SEC24A: variants seen among roughly 807,000 people sequenced by gnomAD.
SEC24A encodes protein transport protein Sec24A.
A neutral mutation model predicts 129.4 loss-of-function variants in SEC24A; 93 were observed. The ratio of observed to expected loss-of-function variants is 0.72; its 90% CI spans 0.61 to 0.85. The LOEUF (loss-of-function observed/expected upper bound fraction) is 0.85. Ranked by LOEUF, SEC24A falls within the 40% of genes least tolerant of loss-of-function variation. SEC24A has a pLI of 0.00. For missense variants in SEC24A, 1,264 were observed against 1,307.4 expected (o/e 0.97, Z 0.51); for synonymous variants, 460 against 467.3 (o/e 0.98, Z 0.20).
intron 10 of SEC24A, 120 bp from the exon 11 acceptor site, chr5:134,688,061 G>A: frequency 1.4e-6 from 1 of 718,292 alleles, no homozygotes; most frequent in Non-Finnish European, 2.5e-6. Flanking sequence ...ACATTTGTTT[G>A]TGTTGGGCCA....
At chr5:134,704,063 T>TATTG (rs2150105023) in intron 16 of SEC24A, 131 bp downstream of exon 16, 1 of 375,972 alleles carries the variant, frequency 2.7e-6, no homozygotes, top group Non-Finnish European at 4.7e-6. Flanking sequence ...TTTATTTATT[T>TATTG]ATTTATTTAT....
At chr5:134,683,944 C>T (rs542811543) in intron 9 of SEC24A, among the ~76,000 whole-genome samples, 21 of 152,276 alleles carry the variant, frequency 1.4e-4, no homozygotes, top group African/African-American at 4.6e-4. Flanking sequence ...TACTCTTTCA[C>T]CATGCCATAA....
In SEC24A at chr5:134,697,948, C is replaced by T. The variant is rs749100133; in HGVS notation, c.2157C>T (p.Tyr719=). The change falls in exon 15 of 23, where the codon TAC becomes TAT. Residue 719 remains tyrosine (Y), a synonymous_variant. Transcript: ENST00000398844. ...SAGSVYYYPS[Y]HHQHNPVQVQ... is the part of the protein sequence containing the mutation. ...GTAGTGTCTATTACTATCCCTCTTA[C>T]CATCATCAGCACAACCCAGTCCAAG... The T allele has an allele frequency of 6.2e-7, 1 of 1,613,758 alleles. No individual in the cohort carries two copies. Among genetic ancestry groups the T allele is most frequent in the Admixed American group, 1.7e-5 (1 of 59,964 alleles).
At chr5:134,663,695 A>T (rs1750553921) in intron 2 of SEC24A, among the ~76,000 whole-genome samples, 1 of 152,152 alleles carries the variant, frequency 6.6e-6, no homozygotes, top group Non-Finnish European at 1.5e-5. Context: ...ATAAATAAAT[A>T]CTAAGAGTAG....
intron 2 of SEC24A, among the ~76,000 whole-genome samples, chr5:134,665,425 A>G (rs1750626201): frequency 6.6e-6 from 1 of 150,818 alleles, no homozygotes; most frequent in Admixed American, 6.6e-5. Flanking sequence ...ATTGCACTCC[A>G]GCCTGGGGGA....
intron 18 of SEC24A, among the ~76,000 whole-genome samples, chr5:134,711,587 A>C (rs1752326413): frequency 7.2e-6 from 1 of 139,126 alleles, no homozygotes; most frequent in African/African-American, 2.7e-5. Context: ...TTTTTTTTTA[A>C]CAGTCTCGCT....
Position 134,703,842 on chromosome 5 carries a change from G to A in SEC24A, c.2350G>A (p.Gly784Arg), listed in dbSNP as rs1157163736. The A allele has an allele frequency of 1.2e-6, 2 of 1,612,992 alleles. No individual in the cohort carries two copies. The highest frequency in any genetic ancestry group is 1.1e-5 in the South Asian group (1 of 91,050). The change falls in exon 16 of 23, where the codon GGG becomes AGG. Residue 784 changes from glycine to arginine, a missense_variant. Gly to Arg is a moderately radical substitution (Grantham distance 125). Transcript: ENST00000398844. The part of the protein sequence containing the change: ...LSLPNVNPDA[G>R]YAVQMSVEES... The stretch of plus-strand genomic sequence containing the variant: ...TTTGCCTAACGTCAACCCAGACGCT[G>A]GGTATGCAGTACAGATGTCAGTGGA...
chr5:134,714,802 CT>C (rs1752430618), intron 18 of SEC24A, among the ~76,000 whole-genome samples: 1 of 152,138 alleles, frequency 6.6e-6, no homozygotes, highest in Admixed American at 6.6e-5. Context: ...GATCAGATAA[CT>C]TTGCCATGGT....
In SEC24A at chr5:134,708,887, A is replaced by T. The variant is rs757477253; in HGVS notation, c.2726A>T (p.Gln909Leu). Reference sequence around the variant, plus strand: ...CTTTTTGTGTTGGCTCTCCTTAAACAGGTAAGAAAAACAGATATAGAAACT... The same window carrying T: ...CTTTTTGTGTTGGCTCTCCTTAAACTGGTAAGAAAAACAGATATAGAAACT... ...FPLFVLALLK[Q>L]KSFQTGTNAR... Residue 909 changes from glutamine (Q) to leucine (L), a missense_variant and splice_region_variant, in exon 18 of 23, where the codon CAG becomes CTG. Physicochemically the swap from Gln to Leu is moderately radical, Grantham distance 113. Transcript: ENST00000398844. The T allele has an allele frequency of 4.7e-5, 76 of 1,611,832 alleles. No individual in the cohort carries two copies. The highest frequency in any genetic ancestry group is 6.7e-5 in the African/African-American group (5 of 74,632).
In SEC24A at chr5:134,712,494, T is replaced by C. The variant is rs578077248; in HGVS notation, c.2728-2530T>C. On this transcript the variant is annotated intron_variant, in intron 18 of 22. Coordinates refer to ENST00000398844, the MANE Select transcript of SEC24A (RefSeq NM_021982.3). ...CTCGAACTCCTGACCTTGTGATCCG[T>C]CCTCCATGGCCTCCCAAAGTACTGG... Among the ~76,000 whole-genome samples, 16 of 151,832 alleles carry C rather than the reference T, an allele frequency of 1.1e-4. 1 individual carries two copies. The East Asian group carries it at 3.1e-3, about 30-fold the overall frequency.
chr5:134,697,006 T>C, intron 13 of SEC24A, 120 bp from the exon 14 acceptor site: 1 of 556,958 alleles, frequency 1.8e-6, no homozygotes, highest in East Asian at 2.9e-5. Context: ...AAGGACTTTG[T>C]AGAATGCCCA....
chr5:134,688,512 CA>C (rs1345240434), intron 11 of SEC24A, among the ~76,000 whole-genome samples: 8 of 152,058 alleles, frequency 5.3e-5, no homozygotes, highest in African/African-American at 9.7e-5. Flanking sequence ...AACAAGTTAA[CA>C]AAAACAAGTT....
intron 1 of SEC24A, among the ~76,000 whole-genome samples, chr5:134,659,258 G>T (rs537961503): frequency 1.4e-4 from 22 of 151,952 alleles, no homozygotes; most frequent in African/African-American, 5.3e-4. Context: ...ATTTTTAGTA[G>T]AGATGGGGTT....
intron 17 of SEC24A, among the ~76,000 whole-genome samples, chr5:134,706,134 G>A (rs571753499): frequency 5.9e-5 from 9 of 152,230 alleles, no homozygotes; most frequent in African/African-American, 9.6e-5. Context: ...TAATCCACCC[G>A]CTTTGGCCTC....
chr5:134,651,973 C>T (rs1750071231), intron 1 of SEC24A, among the ~76,000 whole-genome samples: 1 of 145,842 alleles, frequency 6.9e-6, no homozygotes, highest in Non-Finnish European at 1.5e-5. Context: ...ACTTTTGTTG[C>T]CCAGGCTAGA....
In SEC24A at chr5:134,718,109, C is replaced by A; in HGVS notation, c.2906C>A (p.Pro969His). Residue 969 changes from proline (P) to histidine (H), a missense_variant, in exon 20 of 23, where the codon CCC becomes CAC. Transcript: ENST00000398844. ...AGTGATAGAACCATACCTCAGCCCC[C>A]CATTCTTCAGCTTTCAGTGGAGAAG... ...NISDRTIPQP[P>H]ILQLSVEKLS... 6.2e-7 allele frequency: 1 copy of A among 1,614,088 alleles called. No homozygotes were observed. Among genetic ancestry groups the A allele is most frequent in the Non-Finnish European group, 8.5e-7 (1 of 1,180,006 alleles).
chr5:134,685,966 G>A (rs1751436686), intron 9 of SEC24A, among the ~76,000 whole-genome samples: 1 of 151,900 alleles, frequency 6.6e-6, no homozygotes, highest in African/African-American at 2.4e-5. Flanking sequence ...TCCAGCATGG[G>A]GGACACAGCG....
At chr5:134,696,385 CATTTAATAT>C (rs1368700956) in intron 13 of SEC24A, among the ~76,000 whole-genome samples, 37 of 151,824 alleles carry the variant, frequency 2.4e-4, no homozygotes, top group African/African-American at 8.0e-4. Flanking sequence ...GCATACTGAA[CATTTAATAT>C]ATTTTAGTTA....
Position 134,688,182 on chromosome 5 carries a change from C to G in SEC24A, c.1606C>G (p.Leu536Val), listed in dbSNP as rs1751512729. The G allele has an allele frequency of 6.3e-7, 1 of 1,580,858 alleles. No individual in the cohort carries two copies. The highest frequency in any genetic ancestry group is 2.2e-5 in the East Asian group (1 of 44,604). Residue 536 changes from leucine to valine, a missense_variant and splice_region_variant, in exon 11 of 23, where the codon CTT becomes GTT. By Grantham distance (32) the Leu-to-Val change is conservative (BLOSUM62 1). Transcript: ENST00000398844. ...ATACTCTTCTGAATTTGTTTTTAGG[C>G]TTCCTGGCAACACTAGAACAAAAAT... ...CQSLLDNLDL[L>V]PGNTRTKIGF... is the part of the protein sequence containing the mutation.
Sources: gnomAD v4.1 joint callset for allele counts (sites outside exome capture counted in the v4.1 genomes callset) on GRCh38, gnomAD v4.1.1 for gene constraint, MANE v1.5 for transcripts, NCBI Gene and HGNC (gene_info 2026-07-23, HGNC 2026-07-21) for gene names.